Variants in EYS observed in about 807,000 individuals in gnomAD.
The protein encoded by EYS is EGF-like photoreceptor maintenance factor.
EYS carries 250 observed loss-of-function variants against 282.1 expected under a neutral mutation model. The ratio of observed to expected loss-of-function variants is 0.89; its 90% confidence interval spans 0.80 to 0.98. EYS has a LOEUF of 0.98. Among genes scored for constraint, EYS ranks in the 50% least tolerant of loss-of-function variants. EYS has a pLI of 0.00. For missense variants in EYS, 4,016 were observed against 3,709.0 expected (o/e 1.08, Z -2.15); for synonymous variants, 1,355 against 1,282.9 (o/e 1.06, Z -1.20).
At chr6:65,546,878 T>A (rs1768412165) in intron 2 of EYS, among the ~76,000 whole-genome samples, 1 of 152,106 alleles carries the variant, frequency 6.6e-6, no homozygotes, top group Admixed American at 6.6e-5. Flanking sequence ...GCCATTCATT[T>A]ACACTTTAAT....
intron 23 of EYS, 29 bp downstream of exon 23, chr6:64,626,092 A>C: frequency 7.9e-7 from 1 of 1,272,494 alleles, no homozygotes; most frequent in South Asian, 1.4e-5. Context: ...TTATATATGC[A>C]GTATGCTTAT....
chr6:65,205,300 T>C (rs1766008491), intron 12 of EYS, among the ~76,000 whole-genome samples: 1 of 151,244 alleles, frequency 6.6e-6, no homozygotes, highest in African/African-American at 2.4e-5. Context: ...TTAAAAACAT[T>C]AACAAAGAAT....
intron 24 of EYS, among the ~76,000 whole-genome samples, chr6:64,613,646 G>A (rs540238508): frequency 6.9e-6 from 1 of 145,132 alleles, no homozygotes; most frequent in South Asian, 2.1e-4. Context: ...GCCAAAACCA[G>A]GGTAGAAAAA....
At chr6:63,855,508 T>C (rs1772368288) in intron 36 of EYS, among the ~76,000 whole-genome samples, 2 of 152,182 alleles carry the variant, frequency 1.3e-5, no homozygotes, top group Non-Finnish European at 2.9e-5. Flanking sequence ...ATAGGTGTAG[T>C]AGTAGGCTCA....
intron 12 of EYS, among the ~76,000 whole-genome samples, chr6:65,083,117 G>C (rs946343376): frequency 6.6e-6 from 1 of 151,880 alleles, no homozygotes; most frequent in Non-Finnish European, 1.5e-5. Flanking sequence ...AACAAAGTTG[G>C]TGACACCACT....
chr6:64,474,272 G>A (rs1455242907), intron 26 of EYS, among the ~76,000 whole-genome samples: 1 of 152,032 alleles, frequency 6.6e-6, no homozygotes, highest in African/African-American at 2.4e-5. Context: ...TTCAACTAAG[G>A]CTAGCATAAA....
intron 26 of EYS, among the ~76,000 whole-genome samples, chr6:64,532,832 A>T (rs9359969): frequency 4.7e-4 from 71 of 152,132 alleles, no homozygotes; most frequent in Non-Finnish European, 7.8e-4. Flanking sequence ...AGTCTCTTGA[A>T]GGTACAATAA....
intron 29 of EYS, among the ~76,000 whole-genome samples, chr6:64,328,559 G>A (rs673427): frequency 0.63 from 95,181 of 152,076 alleles, 30,540 homozygotes; most frequent in South Asian, 0.71. Context: ...CAGAGGCTGC[G>A]GGTAATCAGT....
At chr6:64,704,189 CAT>C (rs1770892757) in intron 22 of EYS, among the ~76,000 whole-genome samples, 1 of 151,272 alleles carries the variant, frequency 6.6e-6, no homozygotes, top group South Asian at 2.1e-4. Context: ...ACTAATGGAA[CAT>C]GTAAAAAATA....
intron 30 of EYS, among the ~76,000 whole-genome samples, chr6:64,290,197 A>G (rs1275961209): frequency 6.6e-6 from 1 of 152,120 alleles, no homozygotes; most frequent in Non-Finnish European, 1.5e-5. Context: ...TATGGCAACC[A>G]AGGAAGTATT....
rs1768624928 is a variant in EYS, at chr6:63,726,586, CAATTG to C, written c.8161_8165del (p.Gln2721AlafsTer24). The C allele has an allele frequency of 1.3e-6, 2 of 1,551,240 alleles. No homozygotes were observed. The highest frequency in any genetic ancestry group is 1.7e-6 in the Non-Finnish European group (2 of 1,146,746). On this transcript the variant is annotated frameshift_variant, in exon 42 of 43. Coordinates refer to ENST00000503581, the MANE Select transcript of EYS (RefSeq NM_001142800.2). LOFTEE classifies it high-confidence loss of function. ...CATCTGCAGCGAGAGGCTGAAACTG[CAATTG>C]AATATGTGTCTTTTTTCGAACATGA... is the stretch of plus-strand genomic sequence containing the variant.
chr6:64,296,681 A>G (rs1029220223), intron 30 of EYS, among the ~76,000 whole-genome samples: 1 of 147,462 alleles, frequency 6.8e-6, no homozygotes, highest in Non-Finnish European at 1.5e-5. Flanking sequence ...ATCTTGGCTC[A>G]CTGCACCCTC....
intron 41 of EYS, among the ~76,000 whole-genome samples, chr6:63,747,021 T>C (rs1291587517): frequency 1.3e-5 from 2 of 152,324 alleles, no homozygotes; most frequent in African/African-American, 4.8e-5. Flanking sequence ...TTAATTGTGA[T>C]GTTCGGGTGA....
intron 10 of EYS, among the ~76,000 whole-genome samples, chr6:65,336,722 CAT>C (rs199502688): frequency 0.011 from 1,647 of 150,900 alleles, 31 homozygotes; most frequent in African/African-American, 0.038. Flanking sequence ...ATCTTTCACA[CAT>C]GTTTGTTTAA....
chr6:64,392,974 C>T (rs9359903), intron 28 of EYS, among the ~76,000 whole-genome samples: 42,128 of 151,944 alleles, frequency 0.28, 5,963 homozygotes, highest in East Asian at 0.46. Context: ...GAAATACAAA[C>T]CACCATCAGA....
chr6:65,040,436 A>T (rs2150148844), intron 13 of EYS, among the ~76,000 whole-genome samples: 1 of 151,776 alleles, frequency 6.6e-6, no homozygotes, highest in East Asian at 2.0e-4. Flanking sequence ...TTCCTTTTTG[A>T]TAAGGACATC....
chr6:65,062,428 A>G (rs762844389), intron 12 of EYS, among the ~76,000 whole-genome samples: 15 of 151,888 alleles, frequency 9.9e-5, no homozygotes, highest in South Asian at 2.1e-4. Context: ...CCCATCCCCA[A>G]TGAGAACAAG....
At chr6:64,499,269 C>T (rs1396691824) in intron 26 of EYS, among the ~76,000 whole-genome samples, 1 of 152,154 alleles carries the variant, frequency 6.6e-6, no homozygotes, top group African/African-American at 2.4e-5. Context: ...AAACTCCTCC[C>T]ACCAAATCTG....
In EYS at chr6:64,239,334, C is replaced by T. The variant is rs1766716155; in HGVS notation, c.6192-8510G>A. Among the ~76,000 whole-genome samples, 5 of 152,302 alleles carry T rather than the reference C, an allele frequency of 3.3e-5. No homozygotes were observed. The South Asian group carries it at 1.0e-3, about 32-fold the overall frequency. Reference sequence around the variant, plus strand: ...GATCATTGAGGAATCACCACACTGTCTTCCACAATGGTTGAACTAATTTAC... The same window carrying T: ...GATCATTGAGGAATCACCACACTGTTTTCCACAATGGTTGAACTAATTTAC... On this transcript the variant is annotated intron_variant, in intron 30 of 42. Coordinates refer to ENST00000503581, the MANE Select transcript of EYS (RefSeq NM_001142800.2).
Sources: allele counts gnomAD v4.1 joint callset (sites outside exome capture counted in the v4.1 genomes callset), GRCh38; gene constraint gnomAD v4.1.1; transcripts MANE v1.5; gene names NCBI Gene and HGNC (gene_info 2026-07-23, HGNC 2026-07-21).